EFCAB5: variants seen among roughly 807,000 people sequenced by gnomAD.
EFCAB5 encodes EF-hand calcium-binding domain-containing protein 5.
EFCAB5 carries 131 observed loss-of-function variants against 167.9 expected under a neutral mutation model. That is an observed-to-expected ratio of 0.78 (90% CI 0.68 to 0.90). EFCAB5 has a LOEUF of 0.90. EFCAB5 is among the 40% of genes least tolerant of loss of function. The pLI is 0.00. For synonymous variants in EFCAB5, 574 were observed against 602.8 expected (o/e 0.95, Z 0.70); for missense variants, 1,663 against 1,745.2 (o/e 0.95, Z 0.84).
intron 3 of EFCAB5, among the ~76,000 whole-genome samples, chr17:29,952,903 C>T (rs1317632656): frequency 6.6e-6 from 1 of 152,052 alleles, no homozygotes; most frequent in African/African-American, 2.4e-5. Flanking sequence ...GTTAAAAAAA[C>T]TGCTCTAGAG....
At chr17:29,944,177 G>A (rs1170019945) in intron 3 of EFCAB5, among the ~76,000 whole-genome samples, 7 of 152,124 alleles carry the variant, frequency 4.6e-5, no homozygotes, top group Non-Finnish European at 8.8e-5. Flanking sequence ...CTGGGTTCAA[G>A]TGATCCTCCT....
At chr17:30,068,718 A>G in intron 14 of EFCAB5, 1 of 1,509,922 alleles carries the variant, frequency 6.6e-7, no homozygotes, top group Non-Finnish European at 9.2e-7. Context: ...TGGGTGGCAG[A>G]GTCGATGGCA....
At chr17:29,981,032 C>A (rs2068163318) in intron 4 of EFCAB5, among the ~76,000 whole-genome samples, 1 of 152,148 alleles carries the variant, frequency 6.6e-6, no homozygotes, top group African/African-American at 2.4e-5. Context: ...TCTGAGCTAC[C>A]ATTATCTCTT....
chr17:30,053,864 G>A lies in EFCAB5; in HGVS notation c.1910G>A (p.Gly637Glu). 6.2e-7 allele frequency: 1 copy of A among 1,614,014 alleles called. No homozygotes were observed. Among genetic ancestry groups the A allele is most frequent in the Non-Finnish European group, 8.5e-7 (1 of 1,179,902 alleles). ...GSRRMSAAEQ[G>E]SLRESVIEEP... ...CGCAGAATGTCAGCTGCAGAACAGG[G>A]ATCACTCAGAGAGTCAGTAATAGAA... Residue 637 changes from glycine to glutamate, a missense_variant, in exon 10 of 23, where the codon GGA becomes GAA. Coordinates refer to ENST00000394835, the MANE Select transcript of EFCAB5 (RefSeq NM_198529.4).
At chr17:30,090,126 A>AT (rs1399155819) in intron 19 of EFCAB5, among the ~76,000 whole-genome samples, 1 of 152,250 alleles carries the variant, frequency 6.6e-6, no homozygotes, top group Non-Finnish European at 1.5e-5. Context: ...ACACCTTCAG[A>AT]TAAGCCAAGA....
At position 30,057,525 on chromosome 17, in the gene EFCAB5, A is replaced by G. The variant is rs1277952316; in HGVS notation, c.2366-151A>G. ...ACTGACAATGGAGAGATGTTTTTCC[A>G]AAGAAAAAAGGAGGATGCTGTCCTC... On this transcript the variant is annotated intron_variant, in intron 12 of 22. Transcript: ENST00000394835. 3.3e-5 allele frequency: 22 copies of G among 666,166 alleles called. No individual in the cohort carries two copies. The Admixed American group carries it at 5.9e-4, about 18-fold the overall frequency. 41.3% of individuals were successfully genotyped at this position (666,166 alleles called of 1,614,324 possible).
intron 4 of EFCAB5, among the ~76,000 whole-genome samples, chr17:29,971,012 C>T (rs1040188543): frequency 2.0e-5 from 3 of 150,100 alleles, no homozygotes; most frequent in Non-Finnish European, 4.4e-5. Context: ...GAGGCGGAGG[C>T]TGCAGTGAGC....
chr17:29,959,939 T>A (rs2067687556), intron 3 of EFCAB5, among the ~76,000 whole-genome samples: 1 of 152,122 alleles, frequency 6.6e-6, no homozygotes, highest in Non-Finnish European at 1.5e-5. Flanking sequence ...AGATTTCCTT[T>A]CAAGTTTATT....
In EFCAB5 at chr17:29,942,836, A is replaced by G. The variant is rs187139494; in HGVS notation, c.105+534A>G. Among the ~76,000 whole-genome samples, 830 of 152,222 alleles carry G rather than the reference A, an allele frequency of 5.5e-3. 10 individuals are homozygous for G. The highest frequency in any genetic ancestry group is 8.7e-3 in the Non-Finnish European group (589 of 68,004). ...GTGGATCACTTGAGGTCAGGAGTTC[A>G]AGACCGGACTGGCCAACATAGCGAA... is the stretch of plus-strand genomic sequence containing the variant. On this transcript the variant is annotated intron_variant, in intron 2 of 22. Coordinates refer to ENST00000394835, the MANE Select transcript of EFCAB5 (RefSeq NM_198529.4).
chr17:30,093,288 G>C (rs987031370), intron 22 of EFCAB5, among the ~76,000 whole-genome samples: 4 of 152,140 alleles, frequency 2.6e-5, no homozygotes, highest in Non-Finnish European at 5.9e-5. Flanking sequence ...TTTCAAGGAG[G>C]AGAATCACCA....
At chr17:29,939,268 C>T (rs546049097), upstream of EFCAB5, among the ~76,000 whole-genome samples, 1 of 152,304 alleles carries the variant, frequency 6.6e-6, no homozygotes, top group South Asian at 2.1e-4. Context: ...ATTCCTTAAG[C>T]CATACTGTAA....
At chr17:30,071,694 C>A (rs1203324744) in intron 14 of EFCAB5, among the ~76,000 whole-genome samples, 4 of 152,134 alleles carry the variant, frequency 2.6e-5, no homozygotes, top group African/African-American at 9.7e-5. Flanking sequence ...TTTCTACATT[C>A]CCATGTTTAT....
In EFCAB5 at chr17:30,053,454, A is replaced by G; in HGVS notation, c.1500A>G (p.Thr500=). 1.9e-6 allele frequency: 3 copies of G among 1,613,996 alleles called. No homozygotes were observed. Among genetic ancestry groups the G allele is most frequent in the Non-Finnish European group, 2.5e-6 (3 of 1,179,882 alleles). Residue 500 remains threonine, a synonymous_variant, in exon 10 of 23, where the codon ACA becomes ACG. Coordinates refer to ENST00000394835, the MANE Select transcript of EFCAB5 (RefSeq NM_198529.4). ...QPKLNEQRTS[T]PSPNPPEQQR... is the part of the protein sequence containing the mutation. ...AACTTAACGAACAGAGAACATCAAC[A>G]CCATCACCAAACCCGCCAGAACAGC...
intron 1 of EFCAB5, chr17:29,930,237 C>G: frequency 1.9e-6 from 1 of 536,890 alleles, no homozygotes; most frequent in Admixed American, 3.6e-5. Context: ...ATGAGCGCTC[C>G]CAGTGCGCAG....
chr17:29,930,265 C>T (rs1439672565), intron 1 of EFCAB5: 3 of 503,272 alleles, frequency 6.0e-6, no homozygotes, highest in Non-Finnish European at 1.1e-5. Flanking sequence ...CTGTCAGCTA[C>T]CGCCTCTCCC....
chr17:30,006,246 C>T (rs892227943), intron 7 of EFCAB5, among the ~76,000 whole-genome samples: 11 of 152,152 alleles, frequency 7.2e-5, no homozygotes, highest in East Asian at 1.9e-4. Flanking sequence ...TATTTTTCAA[C>T]GTTTCTCAAT....
At chr17:30,065,319 T>C (rs1260214865) in intron 14 of EFCAB5, among the ~76,000 whole-genome samples, 1 of 152,176 alleles carries the variant, frequency 6.6e-6, no homozygotes, top group Non-Finnish European at 1.5e-5. Context: ...TGAATATAAA[T>C]GGATTAAATC....
At chr17:30,079,629 G>C (rs1016233599) in intron 15 of EFCAB5, among the ~76,000 whole-genome samples, 1 of 152,090 alleles carries the variant, frequency 6.6e-6, no homozygotes, top group Non-Finnish European at 1.5e-5. Context: ...AGAGTTCCTC[G>C]AGAGCATTTT....
chr17:30,056,656 T>C (rs1211857350), intron 12 of EFCAB5, among the ~76,000 whole-genome samples: 2 of 152,224 alleles, frequency 1.3e-5, no homozygotes, highest in Non-Finnish European at 2.9e-5. Flanking sequence ...AAAATGATTG[T>C]TCCAAAAGCA....
Sources: allele counts gnomAD v4.1 joint callset (sites outside exome capture counted in the v4.1 genomes callset), GRCh38; gene constraint gnomAD v4.1.1; transcripts MANE v1.5; gene names NCBI Gene and HGNC (gene_info 2026-07-23, HGNC 2026-07-21).